The following COL26A1 variants were observed in gnomAD, a reference collection of about 807,000 sequenced individuals.
COL26A1 encodes collagen type XXVI alpha 1 chain, also known as collagen alpha-1(XXVI) chain.
In COL26A1, 41 loss-of-function variants were observed where a neutral mutation model predicts 59.3. That is an observed-to-expected ratio of 0.69 (90% CI 0.54 to 0.90). The LOEUF (loss-of-function observed/expected upper bound fraction) is 0.90. COL26A1 is among the 40% of genes least tolerant of loss of function. COL26A1 has a pLI of 0.00. For missense variants in COL26A1, 612 were observed against 602.3 expected, an observed-to-expected ratio of 1.02 and a Z score of -0.17; for synonymous variants, 266 against 256.0, an observed-to-expected ratio of 1.04 and a Z score of -0.37.
chr7:101,494,853 G>A (rs1334749374), intron 3 of COL26A1, among the ~76,000 whole-genome samples: 1 of 152,200 alleles, frequency 6.6e-6, no homozygotes, highest in Non-Finnish European at 1.5e-5. Context: ...GTACACTGCA[G>A]GTTGGAAGCG....
At chr7:101,384,330 G>A (rs1045829920) in intron 1 of COL26A1, among the ~76,000 whole-genome samples, 5 of 150,904 alleles carry the variant, frequency 3.3e-5, no homozygotes, top group African/African-American at 1.2e-4. Context: ...TCCGCCTCCG[G>A]GGTTCAAACC....
chr7:101,510,813 T>G (rs918300275), intron 3 of COL26A1, among the ~76,000 whole-genome samples: 2 of 150,950 alleles, frequency 1.3e-5, no homozygotes, highest in African/African-American at 4.9e-5. Flanking sequence ...AGCCACTGTG[T>G]CTGGCTAATG....
intron 1 of COL26A1, among the ~76,000 whole-genome samples, chr7:101,386,023 T>C (rs1030479868): frequency 6.6e-6 from 1 of 152,300 alleles, no homozygotes; most frequent in African/African-American, 2.4e-5. Context: ...AATTTTTATA[T>C]GTTGGTTATA....
intron 2 of COL26A1, among the ~76,000 whole-genome samples, chr7:101,440,378 C>A (rs1007036452): frequency 1.3e-5 from 2 of 152,008 alleles, no homozygotes; most frequent in African/African-American, 4.8e-5. Context: ...AACAAAAAAA[C>A]AACAAAAAAA....
intron 3 of COL26A1, among the ~76,000 whole-genome samples, chr7:101,468,961 C>T (rs938748636): frequency 6.6e-6 from 1 of 152,152 alleles, no homozygotes; most frequent in Admixed American, 6.6e-5. Context: ...GTCACAGCCT[C>T]GCAGGGCCTC....
chr7:101,452,091 T>C (rs949537555), intron 3 of COL26A1, among the ~76,000 whole-genome samples: 1 of 152,196 alleles, frequency 6.6e-6, no homozygotes, highest in Non-Finnish European at 1.5e-5. Context: ...GAGCGGTAAC[T>C]CAAAGTGACA....
intron 3 of COL26A1, among the ~76,000 whole-genome samples, chr7:101,485,041 G>A (rs1024821208): frequency 6.6e-6 from 1 of 151,652 alleles, no homozygotes; most frequent in African/African-American, 2.4e-5. Context: ...TAGTAGAGAC[G>A]GGGTTTCACT....
At chr7:101,538,319 C>T (rs538528744) in intron 4 of COL26A1, among the ~76,000 whole-genome samples, 5 of 152,314 alleles carry the variant, frequency 3.3e-5, no homozygotes, top group African/African-American at 4.8e-5. Context: ...CAGCTGTCCC[C>T]GCTCTCTGTG....
intron 4 of COL26A1, among the ~76,000 whole-genome samples, chr7:101,534,041 T>C (rs1298254985): frequency 6.6e-6 from 1 of 152,186 alleles, no homozygotes; most frequent in Non-Finnish European, 1.5e-5. Context: ...AAGCAGGCTC[T>C]GGTGTTTAGC....
chr7:101,377,178 T>C (rs1232495212), intron 1 of COL26A1, among the ~76,000 whole-genome samples: 1 of 145,044 alleles, frequency 6.9e-6, no homozygotes, highest in Non-Finnish European at 1.5e-5. Context: ...TTTTTCTTTT[T>C]TCCTTTTAAA....
rs377452458 is a variant in COL26A1, at chr7:101,435,115, A to G, written c.282-12569A>G. Among the ~76,000 whole-genome samples, 16 of 152,312 alleles carry G rather than the reference A, an allele frequency of 1.1e-4. No homozygotes were observed. The South Asian group carries it at 3.1e-3, about 30-fold the overall frequency. ...TGAGGCAGGCAGATCACCTGAGATCAGGAGTTCGAGACCAGCCTGGCCAAC... is the reference window on the plus strand; with the variant it reads ...TGAGGCAGGCAGATCACCTGAGATCGGGAGTTCGAGACCAGCCTGGCCAAC... On this transcript the variant is annotated intron_variant, in intron 2 of 12. Transcript: ENST00000313669.
intron 3 of COL26A1, among the ~76,000 whole-genome samples, chr7:101,525,210 C>G (rs977748683): frequency 9.6e-6 from 1 of 103,820 alleles, no homozygotes; most frequent in Non-Finnish European, 1.7e-5. Flanking sequence ...GAGACAGAGT[C>G]TTGCTCTGTC....
intron 3 of COL26A1, among the ~76,000 whole-genome samples, chr7:101,465,515 A>C (rs764293211): frequency 4.6e-5 from 7 of 151,976 alleles, no homozygotes; most frequent in Non-Finnish European, 1.0e-4. Flanking sequence ...AACATGGTGA[A>C]ACTCTGTCTC....
intron 9 of COL26A1, among the ~76,000 whole-genome samples, chr7:101,549,820 G>A (rs1795822515): frequency 6.6e-6 from 1 of 152,220 alleles, no homozygotes; most frequent in African/African-American, 2.4e-5. Context: ...GCCTGAGGTT[G>A]TACAGAGGGT....
At chr7:101,496,473 G>A (rs1794587211) in intron 3 of COL26A1, among the ~76,000 whole-genome samples, 1 of 152,232 alleles carries the variant, frequency 6.6e-6, no homozygotes, top group Non-Finnish European at 1.5e-5. Flanking sequence ...TGTGGAGATG[G>A]TTGATGGGTG....
rs907360872 is a variant in COL26A1, at chr7:101,456,998, C to T, written c.385+9211C>T. ...AGAAGTATTTTAATTAACATGATGCCGGCCACGTGGGAGAACTGGAGTTAT... is the reference window on the plus strand; with the variant it reads ...AGAAGTATTTTAATTAACATGATGCTGGCCACGTGGGAGAACTGGAGTTAT... On this transcript the variant is annotated intron_variant, in intron 3 of 12. Transcript: ENST00000313669. Among the ~76,000 whole-genome samples, 33 of 152,090 alleles carry T rather than the reference C, an allele frequency of 2.2e-4. 1 individual carries two copies. The highest frequency in any genetic ancestry group is 3.3e-4 in the Admixed American group (5 of 15,260).
intron 10 of COL26A1, 58 bp from the exon 11 acceptor site, chr7:101,553,268 G>T: frequency 6.7e-7 from 1 of 1,498,342 alleles, no homozygotes; most frequent in Non-Finnish European, 9.3e-7. Flanking sequence ...GAACTGGAGA[G>T]GGTGGAGAGG....
intron 1 of COL26A1, among the ~76,000 whole-genome samples, chr7:101,381,749 T>C (rs575545268): frequency 2.9e-4 from 44 of 152,334 alleles, no homozygotes; most frequent in Non-Finnish European, 6.0e-4. Flanking sequence ...GTTTCTAATG[T>C]GTGCTTTGTG....
chr7:101,423,751 C>T lies in COL26A1; in HGVS notation c.281+3652C>T, dbSNP rs1056198335. 5.3e-5 allele frequency among the ~76,000 whole-genome samples: 8 copies of T among 151,216 alleles called. No individual in the cohort carries two copies. The East Asian group carries it at 5.9e-4, about 11-fold the overall frequency. ...CTCCGTCGCAAAAAAAAAGAAGGACCGGGGTCTTCGATGTGGTGTTCACTG... is the reference window on the plus strand; with the variant it reads ...CTCCGTCGCAAAAAAAAAGAAGGACTGGGGTCTTCGATGTGGTGTTCACTG... On this transcript the variant is annotated intron_variant, in intron 2 of 12. Coordinates refer to ENST00000313669, the MANE Select transcript of COL26A1 (RefSeq NM_001278563.3).
Sources: gnomAD v4.1 joint callset for allele counts (sites outside exome capture counted in the v4.1 genomes callset) on GRCh38, gnomAD v4.1.1 for gene constraint, MANE v1.5 for transcripts, NCBI Gene and HGNC (gene_info 2026-07-23, HGNC 2026-07-21) for gene names.